The following KCNJ14 variants were observed in gnomAD, a reference collection of about 807,000 sequenced individuals.
KCNJ14 encodes potassium inwardly rectifying channel subfamily J member 14, also known as ATP-sensitive inward rectifier potassium channel 14.
Under a neutral mutation model 24.5 loss-of-function variants are expected in KCNJ14, and 18 were observed. The ratio of observed to expected loss-of-function variants is 0.74; its 90% CI spans 0.51 to 1.09. The LOEUF is 1.09. Among genes scored for constraint, KCNJ14 ranks in the 50% least tolerant of loss-of-function variants. The pLI, the probability that KCNJ14 is intolerant of heterozygous loss-of-function variation, is 0.00. For synonymous variants in KCNJ14, 288 were observed against 270.8 expected, an observed-to-expected ratio of 1.06 and a Z score of -0.63; for missense variants, 633 against 623.0, an observed-to-expected ratio of 1.02 and a Z score of -0.17.
chr19:48,460,778 T>C (rs1012071395), intron 1 of KCNJ14, among the ~76,000 whole-genome samples: 4 of 152,246 alleles, frequency 2.6e-5, no homozygotes, highest in Admixed American at 6.5e-5. Context: ...GCACTTGCTA[T>C]AATATCGTTA....
At position 48,464,717 on chromosome 19, in the gene KCNJ14, A is replaced by G. The variant is rs1971638765; in HGVS notation, c.1251A>G (p.Glu417=). Residue 417 remains glutamate (E), a synonymous_variant, in exon 3 of 3, where the codon GAA becomes GAG. Transcript: ENST00000342291. ...AGGAAGGGAATGGGGTGGAAACAGA[A>G]GATGGGGCTGCTAGCCCCCGAGTTC... The part of the protein sequence containing the change: ...ETEEGNGVET[E]DGAASPRVLT... The G allele has an allele frequency of 1.2e-5, 19 of 1,612,376 alleles. No homozygotes were observed. The highest frequency in any genetic ancestry group is 1.4e-5 in the Non-Finnish European group (17 of 1,180,004).
Position 48,462,350 on chromosome 19 carries a change from G to A in KCNJ14, c.626G>A (p.Arg209His). 1.3e-6 allele frequency: 2 copies of A among 1,543,766 alleles called. No homozygotes were observed. The highest frequency in any genetic ancestry group is 1.8e-6 in the Non-Finnish European group (2 of 1,140,746). The stretch of plus-strand genomic sequence containing the variant: ...AGCGAGAACGCCGTCGTGGCGCTGC[G>A]CGACCACCGCCTCTGCCTCATGTGG... ...VFSENAVVAL[R>H]DHRLCLMWRV... is the part of the protein sequence containing the mutation. The change falls in exon 2 of 3, where the codon CGC becomes CAC. Residue 209 changes from arginine to histidine, a missense_variant. Transcript: ENST00000342291. The surrounding 1 kb of genome is among the most constrained non-coding windows in gnomAD (Gnocchi z 4.9).
rs756186138 is a variant in KCNJ14, at chr19:48,462,164, C to A, written c.440C>A (p.Ser147Tyr). The A allele has an allele frequency of 8.9e-6, 14 of 1,578,126 alleles. No individual in the cohort carries two copies. Among genetic ancestry groups the A allele is most frequent in the East Asian group, 2.3e-5 (1 of 42,904 alleles). The stretch of plus-strand genomic sequence containing the variant: ...CTCTTCGCGCTGGAGACGCAGACGT[C>A]CATCGGCTACGGCGTGCGCAGCGTC... Reference protein sequence around the residue: ...AFLFALETQTSIGYGVRSVTE... With the variant: ...AFLFALETQTYIGYGVRSVTE... Residue 147 changes from serine to tyrosine, a missense_variant, in exon 2 of 3, where the codon TCC becomes TAC. Physicochemically the swap from Ser to Tyr is moderately radical, Grantham distance 144. Coordinates refer to ENST00000342291, the MANE Select transcript of KCNJ14 (RefSeq NM_013348.4). This position sits in a 1 kb window ranked among gnomAD's most constrained non-coding sequence, Gnocchi z 4.9.
At position 48,464,519 on chromosome 19, in the gene KCNJ14, C is replaced by T. The variant is rs139288243; in HGVS notation, c.1053C>T (p.Arg351=). The T allele has an allele frequency of 6.0e-4, 975 of 1,614,050 alleles. 1 individual carries two copies. The highest frequency in any genetic ancestry group is 7.1e-4 in the Non-Finnish European group (834 of 1,180,046). ...AGGTCGACTATCGCCACTTCCATCGCACTTATGAGGTCCCAGGGACACCGG... is the reference window on the plus strand; with the variant it reads ...AGGTCGACTATCGCCACTTCCATCGTACTTATGAGGTCCCAGGGACACCGG... ...QYEVDYRHFH[R]TYEVPGTPVC... The change falls in exon 3 of 3, where the codon CGC becomes CGT. Residue 351 remains arginine, a synonymous_variant. Transcript: ENST00000342291.
chr19:48,456,438 G>T (rs2147490038), intron 1 of KCNJ14: 1 of 152,410 alleles, frequency 6.6e-6, no homozygotes, highest in African/African-American at 2.4e-5. Context: ...ACACAGCCAG[G>T]CTGGTCCCCT....
intron 1 of KCNJ14, among the ~76,000 whole-genome samples, chr19:48,461,047 G>GT (rs2147492840): frequency 6.6e-6 from 1 of 152,114 alleles, no homozygotes; most frequent in South Asian, 2.1e-4. Flanking sequence ...CTGGCCAGGC[G>GT]CGGTGGCTCA....
At chr19:48,463,483 G>A (rs992939138) in intron 2 of KCNJ14, among the ~76,000 whole-genome samples, 3 of 152,142 alleles carry the variant, frequency 2.0e-5, no homozygotes, top group African/African-American at 4.8e-5. Context: ...AGGTGGCTAT[G>A]GAACCAGCGG....
In KCNJ14 at chr19:48,461,873, G is replaced by A. The variant is rs1264419519; in HGVS notation, c.149G>A (p.Gly50Asp). 3.8e-6 allele frequency: 6 copies of A among 1,581,080 alleles called. No individual in the cohort carries two copies. The South Asian group carries it at 5.7e-5, about 15-fold the overall frequency. ...PVQSPVGRRR[G>D]RFVKKDGHCN... The stretch of plus-strand genomic sequence containing the variant: ...CAGTCACCCGTGGGCCGGCGCCGCG[G>A]TCGCTTCGTCAAGAAAGACGGGCAC... The change falls in exon 2 of 3, where the codon GGT becomes GAT. Residue 50 changes from glycine (G) to aspartate (D), a missense_variant. Coordinates refer to ENST00000342291, the MANE Select transcript of KCNJ14 (RefSeq NM_013348.4).
chr19:48,464,268 C>G lies in KCNJ14; in HGVS notation c.802C>G (p.Leu268Val), dbSNP rs775442705. 8.1e-6 allele frequency: 13 copies of G among 1,613,942 alleles called. No homozygotes were observed. The Admixed American group carries it at 1.3e-4, about 17-fold the overall frequency. The change falls in exon 3 of 3, where the codon CTC becomes GTC. Residue 268 changes from leucine to valine, a missense_variant. Coordinates refer to ENST00000342291, the MANE Select transcript of KCNJ14 (RefSeq NM_013348.4). ...TGATGGAGGCACCGATCGTATCTTC[C>G]TCGTGTCCCCCATCACCATCGTCCA... is the stretch of plus-strand genomic sequence containing the variant. Reference protein sequence around the residue: ...GFDGGTDRIFLVSPITIVHEI... With the variant: ...GFDGGTDRIFVVSPITIVHEI...
chr19:48,459,855 C>G (rs972293476), intron 1 of KCNJ14, among the ~76,000 whole-genome samples: 2 of 151,970 alleles, frequency 1.3e-5, no homozygotes, highest in African/African-American at 4.8e-5. Flanking sequence ...ATGGTGAAAC[C>G]CCATCTCCAC....
intron 1 of KCNJ14, among the ~76,000 whole-genome samples, chr19:48,457,967 C>T (rs866067594): frequency 2.2e-4 from 34 of 152,144 alleles, no homozygotes; most frequent in African/African-American, 7.0e-4. Context: ...ATTACAGGTG[C>T]GAGCCACCGC....
At position 48,464,316 on chromosome 19, in the gene KCNJ14, C is replaced by T. The variant is rs1479414839; in HGVS notation, c.850C>T (p.Leu284=). The T allele has an allele frequency of 6.2e-7, 1 of 1,613,724 alleles. No homozygotes were observed. Among genetic ancestry groups the T allele is most frequent in the Non-Finnish European group, 8.5e-7 (1 of 1,179,910 alleles). ...CCATGAGATCGACTCTGCCAGTCCT[C>T]TGTATGAGCTAGGACGTGCCGAGCT... is the stretch of plus-strand genomic sequence containing the variant. ...IVHEIDSASP[L]YELGRAELAR... The change falls in exon 3 of 3, where the codon CTG becomes TTG. Residue 284 remains leucine, a synonymous_variant. Coordinates refer to ENST00000342291, the MANE Select transcript of KCNJ14 (RefSeq NM_013348.4).
At position 48,462,240 on chromosome 19, in the gene KCNJ14, C is replaced by T. The variant is rs775903987; in HGVS notation, c.516C>T (p.Ala172=). The change falls in exon 2 of 3, where the codon GCC becomes GCT. Residue 172 remains alanine, a synonymous_variant. Transcript: ENST00000342291. This position sits in a 1 kb window ranked among gnomAD's most constrained non-coding sequence, Gnocchi z 4.9. ...AVAAVVLQCI[A]GCVLDAFVVG... ...CCGCCGTGGTGCTGCAGTGCATTGCCGGCTGCGTGCTCGACGCCTTCGTCG... is the reference window on the plus strand; with the variant it reads ...CCGCCGTGGTGCTGCAGTGCATTGCTGGCTGCGTGCTCGACGCCTTCGTCG... 26 of 1,548,526 alleles carry T rather than the reference C, an allele frequency of 1.7e-5. No individual in the cohort carries two copies. The South Asian group carries it at 1.8e-4, about 11-fold the overall frequency.
intron 1 of KCNJ14, among the ~76,000 whole-genome samples, chr19:48,459,269 G>A (rs1971569422): frequency 6.6e-6 from 1 of 151,990 alleles, no homozygotes; most frequent in East Asian, 1.9e-4. Flanking sequence ...AAAGTTTGGG[G>A]GGTGTTACTT....
chr19:48,461,567 T>A, intron 1 of KCNJ14, 103 bp from the exon 2 acceptor site: 5 of 382,270 alleles, frequency 1.3e-5, no homozygotes, highest in Non-Finnish European at 1.8e-5. Flanking sequence ...TCGTTCCACC[T>A]ATTTGACAGA....
At chr19:48,456,991 CT>C (rs58951400) in intron 1 of KCNJ14, 23,147 of 140,198 alleles carry the variant, frequency 0.17, 3,380 homozygotes, top group African/African-American at 0.41. Flanking sequence ...CACCTGCCCT[CT>C]TTTTTTTTTT....
intron 2 of KCNJ14, among the ~76,000 whole-genome samples, chr19:48,463,874 C>A (rs913902090): frequency 6.6e-6 from 1 of 152,070 alleles, no homozygotes; most frequent in Non-Finnish European, 1.5e-5. Context: ...GTTTTCTACC[C>A]CCAAACCCTG....
intron 1 of KCNJ14, chr19:48,461,365 T>TA (rs35350309): frequency 0.88 from 141,710 of 160,736 alleles, 63,273 homozygotes; most frequent in African/African-American, 0.97. Flanking sequence ...AGAAAAAAGT[T>TA]AAAAAAAAAA....
intron 1 of KCNJ14, 119 bp from the exon 2 acceptor site, chr19:48,461,551 T>TG: frequency 2.3e-5 from 7 of 308,862 alleles, no homozygotes; most frequent in Middle Eastern, 9.4e-4. Flanking sequence ...AAAAAAAAAA[T>TG]GCGTATCGTT....
Sources: allele counts gnomAD v4.1 joint callset (sites outside exome capture counted in the v4.1 genomes callset), GRCh38; gene constraint gnomAD v4.1.1; non-coding constraint Gnocchi (gnomAD v3.1); transcripts MANE v1.5; gene names NCBI Gene and HGNC (gene_info 2026-07-23, HGNC 2026-07-21).